ARSG: variants seen among roughly 807,000 people sequenced by gnomAD.
ARSG encodes ASG.
A neutral mutation model predicts 50.5 loss-of-function variants in ARSG; 37 were observed. The ratio of observed to expected loss-of-function variants is 0.73; its 90% confidence interval spans 0.56 to 0.96. The LOEUF (loss-of-function observed/expected upper bound fraction) is 0.96. Ranked by LOEUF, ARSG falls within the 50% of genes least tolerant of loss-of-function variation. The probability of loss-of-function intolerance (pLI) is 0.00; values close to 1 mark genes in which losing one functional copy is unlikely to be tolerated. For missense variants in ARSG, 629 were observed against 675.3 expected, an observed-to-expected ratio of 0.93 and a Z score of 0.76; for synonymous variants, 225 against 254.6, an observed-to-expected ratio of 0.88 and a Z score of 1.11.
intron 9 of ARSG, among the ~76,000 whole-genome samples, chr17:68,388,601 A>G (rs868220988): frequency 2.6e-5 from 4 of 152,186 alleles, no homozygotes; most frequent in South Asian, 4.1e-4. Flanking sequence ...GGTGACCAGA[A>G]TGGCAAAAAG....
At position 68,271,673 on chromosome 17, in the gene ARSG, A is replaced by C. The variant is rs782436259; in HGVS notation, c.-552+12247A>C. 6 of 1,595,842 alleles carry C rather than the reference A, an allele frequency of 3.8e-6. No individual in the cohort carries two copies. Among genetic ancestry groups the C allele is most frequent in the East Asian group, 4.5e-5 (2 of 44,642 alleles). The stretch of plus-strand genomic sequence containing the variant: ...ATGATTGCTTGAATAGGCAGGAGTG[A>C]AGAAGAAATAATATAAGGTCAATAA... On this transcript the variant is annotated intron_variant, in intron 1 of 11. Transcript: ENST00000448504. The surrounding 1 kb of genome is among the most constrained non-coding windows in gnomAD (Gnocchi z 5.3).
intron 2 of ARSG, among the ~76,000 whole-genome samples, chr17:68,317,285 C>T (rs1035103159): frequency 6.6e-6 from 1 of 152,074 alleles, no homozygotes; most frequent in Admixed American, 6.6e-5. Context: ...AGCCCATTTA[C>T]AGTAGCCCAG....
intron 1 of ARSG, among the ~76,000 whole-genome samples, chr17:68,266,013 G>A (rs1219100998): frequency 6.6e-6 from 1 of 152,132 alleles, no homozygotes; most frequent in Non-Finnish European, 1.5e-5. Flanking sequence ...GGCATGTAGA[G>A]TCTGTGCTGT....
In ARSG at chr17:68,343,560, T is replaced by G. The variant is rs750924181; in HGVS notation, c.219-44T>G. 4.0e-6 allele frequency: 6 copies of G among 1,517,026 alleles called. 1 individual carries two copies. In the South Asian group the frequency reaches 7.7e-5, roughly 19 times the overall value. The allele number at this position is 1,517,026 out of a possible 1,614,324, so 94.0% of individuals were successfully genotyped here. A position where few individuals can be genotyped will look rare whatever the true frequency, so the allele number is the denominator to read the frequency against. ...GCACTGCCTTTTCTTTTACTCTGGC[T>G]TCCTGTGGTTGGTGCGGTCCTGACC... On this transcript the variant is annotated intron_variant, in intron 2 of 11. Coordinates refer to ENST00000621439, the MANE Select transcript of ARSG (RefSeq NM_001267727.2).
intron 2 of ARSG, among the ~76,000 whole-genome samples, chr17:68,321,038 G>A (rs2077262278): frequency 6.6e-6 from 1 of 151,990 alleles, no homozygotes; most frequent in Non-Finnish European, 1.5e-5. Flanking sequence ...GTGGTGACGT[G>A]CGGTGGCTAC....
chr17:68,327,166 T>C (rs1568471939), intron 2 of ARSG, among the ~76,000 whole-genome samples: 2 of 151,340 alleles, frequency 1.3e-5, no homozygotes, highest in Non-Finnish European at 2.9e-5. Context: ...TACAACAGAG[T>C]TAACATGTTG....
At chr17:68,321,042 T>C (rs888792344) in intron 2 of ARSG, among the ~76,000 whole-genome samples, 6 of 151,916 alleles carry the variant, frequency 3.9e-5, no homozygotes, top group African/African-American at 1.5e-4. Flanking sequence ...TGACGTGCGG[T>C]GGCTACTTAG....
intron 6 of ARSG, among the ~76,000 whole-genome samples, chr17:68,366,968 C>T (rs2079578992): frequency 6.6e-6 from 1 of 152,168 alleles, no homozygotes; most frequent in African/African-American, 2.4e-5. Flanking sequence ...ATGGGTACCT[C>T]ACACAAGTGG....
chr17:68,426,241 G>A (rs141592816), downstream of ARSG: 720 of 1,107,558 alleles, frequency 6.5e-4, 36 homozygotes, highest in African/African-American at 0.011. Context: ...GACCTGGCGG[G>A]TGGGGAGCGG....
chr17:68,368,979 G>A (rs111300418), intron 7 of ARSG, among the ~76,000 whole-genome samples: 4 of 152,228 alleles, frequency 2.6e-5, no homozygotes, highest in African/African-American at 9.6e-5. Context: ...TTGCTGGCCC[G>A]TTGTGTGTCG....
intron 2 of ARSG, among the ~76,000 whole-genome samples, chr17:68,337,687 A>G (rs1383337298): frequency 6.6e-6 from 1 of 152,034 alleles, no homozygotes; most frequent in East Asian, 1.9e-4. Flanking sequence ...GCACGGTCTC[A>G]GCTCACCGCG....
intron 5 of ARSG, among the ~76,000 whole-genome samples, chr17:68,354,765 T>C (rs1419635841): frequency 1.3e-5 from 2 of 151,704 alleles, no homozygotes; most frequent in African/African-American, 4.8e-5. Context: ...ACACCTATAG[T>C]CTCAGCTGCT....
rs192130842 is a variant in ARSG at position 68,266,022 on chromosome 17, G to A, written c.-552+6596G>A. The stretch of plus-strand genomic sequence containing the variant: ...ACCCCTGGCATGTAGAGTCTGTGCT[G>A]TTTACTTACAGGTTGCAACAGTTCT... On this transcript the variant is annotated intron_variant, in intron 1 of 11. Transcript: ENST00000448504. Among the ~76,000 whole-genome samples, 222 of 152,208 alleles carry A rather than the reference G, an allele frequency of 1.5e-3. 4 individuals are homozygous for A. The highest frequency in any genetic ancestry group is 0.014 in the Middle Eastern group (4 of 294).
At chr17:68,340,287 T>G (rs1250333658) in intron 2 of ARSG, among the ~76,000 whole-genome samples, 1 of 150,848 alleles carries the variant, frequency 6.6e-6, no homozygotes. Context: ...TAATTGTTCT[T>G]TTTGTGTGTG....
intron 2 of ARSG, among the ~76,000 whole-genome samples, chr17:68,341,772 T>C (rs1429603837): frequency 6.6e-6 from 1 of 152,192 alleles, no homozygotes; most frequent in Non-Finnish European, 1.5e-5. Context: ...CTCAACAATG[T>C]CTAAAAAAGG....
rs1555748500 is a variant in ARSG, at chr17:68,271,179, G to T, written c.-552+11753G>T. On this transcript the variant is annotated intron_variant, in intron 1 of 11. Transcript: ENST00000448504. This position sits in a 1 kb window ranked among gnomAD's most constrained non-coding sequence, Gnocchi z 5.3. ...TCGTAGATAATAAAAAAGCAGCGCGGTCCTGGTCAATGCCCAGACTAATGC... is the reference window on the plus strand; with the variant it reads ...TCGTAGATAATAAAAAAGCAGCGCGTTCCTGGTCAATGCCCAGACTAATGC... 6 of 1,614,058 alleles carry T rather than the reference G, an allele frequency of 3.7e-6. No individual in the cohort carries two copies. The Admixed American group carries it at 6.7e-5, about 18-fold the overall frequency.
At chr17:68,273,755 G>T in intron 1 of ARSG, 2 of 620,520 alleles carry the variant, frequency 3.2e-6, no homozygotes, top group Non-Finnish European at 5.2e-6. Context: ...AGATTCCCAG[G>T]TCCCCTGAAG....
chr17:68,370,090 C>A (rs1407683663), intron 7 of ARSG, among the ~76,000 whole-genome samples: 1 of 152,190 alleles, frequency 6.6e-6, no homozygotes, highest in African/African-American at 2.4e-5. Flanking sequence ...TCTCGCGTCA[C>A]TGCAACCTCC....
the ARSG span, among the ~76,000 whole-genome samples, chr17:68,427,769 G>A: frequency 2.0e-5 from 3 of 152,214 alleles, no homozygotes; most frequent in African/African-American, 7.2e-5. Context: ...GTACACACAG[G>A]TGAGGACATG....
Sources: allele counts gnomAD v4.1 joint callset (sites outside exome capture counted in the v4.1 genomes callset), GRCh38; gene constraint gnomAD v4.1.1; non-coding constraint Gnocchi (gnomAD v3.1); transcripts MANE v1.5; gene names NCBI Gene and HGNC (gene_info 2026-07-23, HGNC 2026-07-21).